The following ST7L variants were observed in gnomAD, a reference collection of about 807,000 sequenced individuals.
ST7L encodes the protein suppressor of tumorigenicity 7 protein-like.
A neutral mutation model predicts 72.5 loss-of-function variants in ST7L; 57 were observed. That is an observed-to-expected ratio of 0.79 (90% CI 0.64 to 0.98). ST7L has a LOEUF of 0.98. Among genes scored for constraint, ST7L ranks in the 50% least tolerant of loss-of-function variants. The probability of loss-of-function intolerance (pLI) is 0.00; values close to 1 mark genes in which losing one functional copy is unlikely to be tolerated. For synonymous variants in ST7L, 221 were observed against 240.9 expected (o/e 0.92, Z 0.77); for missense variants, 576 against 672.2 (o/e 0.86, Z 1.58).
At chr1:112,578,650 T>C (rs1487312288) in intron 9 of ST7L, among the ~76,000 whole-genome samples, 1 of 152,310 alleles carries the variant, frequency 6.6e-6, no homozygotes, top group African/African-American at 2.4e-5. Flanking sequence ...GGCGCATGCC[T>C]GTAATCCCAG....
chr1:112,552,212 T>G (rs1004092202), intron 12 of ST7L, among the ~76,000 whole-genome samples: 2 of 151,902 alleles, frequency 1.3e-5, no homozygotes, highest in Non-Finnish European at 2.9e-5. Context: ...TGGGAATATC[T>G]TGCAAACTTC....
chr1:112,550,697 A>AG lies in ST7L; in HGVS notation c.1397-5dup, dbSNP rs1005730475. Reference sequence around the variant, plus strand: ...GGGTATGGAATCATTCTAAAAGCTGAGGAAAAAAAAGCATGTGTTGATACT... The same window carrying AG: ...GGGTATGGAATCATTCTAAAAGCTGAGGGAAAAAAAAGCATGTGTTGATACT... On this transcript the variant is annotated splice_region_variant and splice_polypyrimidine_tract_variant and intron_variant, in intron 12 of 14. Coordinates refer to ENST00000358039, the MANE Select transcript of ST7L (RefSeq NM_017744.5). The AG allele has an allele frequency of 6.2e-6, 10 of 1,608,142 alleles. No individual in the cohort carries two copies. The highest frequency in any genetic ancestry group is 7.7e-6 in the Non-Finnish European group (9 of 1,175,814).
intron 14 of ST7L, among the ~76,000 whole-genome samples, chr1:112,537,777 A>G (rs906020063): frequency 3.3e-5 from 5 of 152,228 alleles, no homozygotes; most frequent in African/African-American, 1.2e-4. Context: ...CTCTGTGTCT[A>G]ATGTCAGACT....
At chr1:112,576,902 T>C in intron 11 of ST7L, 84 bp downstream of exon 11, 1 of 995,110 alleles carries the variant, frequency 1.0e-6, no homozygotes. Flanking sequence ...CACCAAATTA[T>C]GGTGACCCAG....
intron 1 of ST7L, 142 bp from the exon 2 acceptor site, chr1:112,617,037 T>C (rs938874715): frequency 1.8e-6 from 1 of 545,840 alleles, no homozygotes; most frequent in Non-Finnish European, 3.2e-6. Flanking sequence ...AGTTTTAATT[T>C]GTATATATAT....
chr1:112,615,278 C>G (rs1669698861), intron 2 of ST7L, among the ~76,000 whole-genome samples: 1 of 152,132 alleles, frequency 6.6e-6, no homozygotes, highest in Admixed American at 6.5e-5. Flanking sequence ...ACCACTGTAT[C>G]AGGCCAAACA....
intron 11 of ST7L, among the ~76,000 whole-genome samples, chr1:112,566,294 CTTCTTTT>C (rs1661023204): frequency 9.2e-6 from 1 of 108,976 alleles, no homozygotes; most frequent in Admixed American, 1.0e-4. Flanking sequence ...TTTTCTTCTT[CTTCTTTT>C]TTTTTTTTTT....
At chr1:112,575,323 G>A (rs1662934485) in intron 11 of ST7L, among the ~76,000 whole-genome samples, 1 of 152,148 alleles carries the variant, frequency 6.6e-6, no homozygotes. Flanking sequence ...ACCACAAATA[G>A]TACCAAACCC....
Position 112,578,424 on chromosome 1 carries a change from C to A in ST7L, c.1070-7G>T. 1 of 1,613,260 alleles carries A rather than the reference C, an allele frequency of 6.2e-7. No homozygotes were observed. Among genetic ancestry groups the A allele is most frequent in the South Asian group, 1.1e-5 (1 of 91,058 alleles). Reference sequence around the variant, plus strand: ...GACTTTGGAAGGCTTATATCTGTAACGATAATTTTCAATTTAGGTAGGAAT... The same window carrying A: ...GACTTTGGAAGGCTTATATCTGTAAAGATAATTTTCAATTTAGGTAGGAAT... On this transcript the variant is annotated splice_region_variant and splice_polypyrimidine_tract_variant and intron_variant, in intron 9 of 14. Coordinates refer to ENST00000358039, the MANE Select transcript of ST7L (RefSeq NM_017744.5).
chr1:112,531,398 C>A lies in ST7L; in HGVS notation c.1630-5287G>T, dbSNP rs563353969. Among the ~76,000 whole-genome samples, 207 of 152,268 alleles carry A rather than the reference C, an allele frequency of 1.4e-3. 2 individuals are homozygous for A. The highest frequency in any genetic ancestry group is 6.8e-3 in the Middle Eastern group (2 of 294). ...CTGCTTACAAAAAGATGAATTCCAG[C>A]TGCTGAGTATAAAGATGAAAGTACT... On this transcript the variant is annotated intron_variant, in intron 14 of 14. Coordinates refer to ENST00000358039, the MANE Select transcript of ST7L (RefSeq NM_017744.5).
At chr1:112,614,514 T>C (rs1383085322) in intron 2 of ST7L, among the ~76,000 whole-genome samples, 1 of 152,242 alleles carries the variant, frequency 6.6e-6, no homozygotes. Flanking sequence ...AGCTTCTATT[T>C]TTTTTAGCCA....
intron 2 of ST7L, 92 bp from the exon 3 acceptor site, chr1:112,611,095 T>A: frequency 7.7e-7 from 1 of 1,294,676 alleles, no homozygotes; most frequent in Non-Finnish European, 1.0e-6. Context: ...CCTGTTCAAT[T>A]CAGCATTTTA....
At chr1:112,560,196 C>A (rs1419995942) in intron 11 of ST7L, among the ~76,000 whole-genome samples, 1 of 151,620 alleles carries the variant, frequency 6.6e-6, no homozygotes, top group African/African-American at 2.4e-5. Flanking sequence ...AGATCCAGAC[C>A]ATCTTGGCTA....
Position 112,583,968 on chromosome 1 carries a change from T to G in ST7L, c.856+4A>C, listed in dbSNP as rs763960326. 4 of 1,612,908 alleles carry G rather than the reference T, an allele frequency of 2.5e-6. No individual in the cohort carries two copies. The East Asian group carries it at 6.7e-5, about 27-fold the overall frequency. On this transcript the variant is annotated splice_donor_region_variant and intron_variant, in intron 7 of 14. Coordinates refer to ENST00000358039, the MANE Select transcript of ST7L (RefSeq NM_017744.5). ...ACAGTAATAACCAGTTCAAACTTGC[T>G]TACTCAGTTGAGCTTCATGCTGAGG...
chr1:112,566,547 T>G (rs1354746444), intron 11 of ST7L, among the ~76,000 whole-genome samples: 4 of 152,116 alleles, frequency 2.6e-5, no homozygotes, highest in Non-Finnish European at 5.9e-5. Context: ...TCCGCCCTCC[T>G]CAGCCTCCCA....
chr1:112,567,758 A>AT (rs1490253566), intron 11 of ST7L, among the ~76,000 whole-genome samples: 6 of 152,298 alleles, frequency 3.9e-5, no homozygotes, highest in Admixed American at 2.6e-4. Flanking sequence ...AATTGACAGT[A>AT]TATATGTGAA....
At chr1:112,568,861 A>ATATATATATATATATATAT (rs1661536936) in intron 11 of ST7L, among the ~76,000 whole-genome samples, 1 of 114,888 alleles carries the variant, frequency 8.7e-6, no homozygotes, top group African/African-American at 3.5e-5. Context: ...TATAAATATA[A>ATATATATATATATATATAT]ATATATATAT....
intron 4 of ST7L, among the ~76,000 whole-genome samples, chr1:112,600,101 C>T (rs1208696570): frequency 2.0e-5 from 3 of 152,038 alleles, no homozygotes; most frequent in Non-Finnish European, 2.9e-5. Context: ...AGTGCAATGG[C>T]GTCATCTCAG....
chr1:112,538,146 C>T (rs559329126), intron 14 of ST7L, among the ~76,000 whole-genome samples: 8 of 152,260 alleles, frequency 5.3e-5, no homozygotes, highest in Middle Eastern at 3.4e-3. Flanking sequence ...TGAAGTAGAA[C>T]AAGTATGTCT....
Sources: gnomAD v4.1 joint callset for allele counts (sites outside exome capture counted in the v4.1 genomes callset) on GRCh38, gnomAD v4.1.1 for gene constraint, MANE v1.5 for transcripts, NCBI Gene and HGNC (gene_info 2026-07-23, HGNC 2026-07-21) for gene names.